The following USH2A variants were observed in gnomAD, a reference collection of about 807,000 sequenced individuals.
The protein encoded by USH2A is usherin.
In USH2A, 443 loss-of-function variants were observed where a neutral mutation model predicts 538.9. The ratio of observed to expected loss-of-function variants is 0.82; its 90% CI spans 0.76 to 0.89. USH2A has a LOEUF of 0.89. Ranked by LOEUF, USH2A falls within the 40% of genes least tolerant of loss-of-function variation. The probability of loss-of-function intolerance (pLI) is 0.00; values close to 1 mark genes in which losing one functional copy is unlikely to be tolerated. For synonymous variants in USH2A, 2,413 were observed against 2,273.5 expected, an observed-to-expected ratio of 1.06 and a Z score of -1.75; for missense variants, 6,633 against 6,324.8, an observed-to-expected ratio of 1.05 and a Z score of -1.65.
At chr1:216,281,060 T>G (rs2036764916) in intron 11 of USH2A, among the ~76,000 whole-genome samples, 1 of 152,228 alleles carries the variant, frequency 6.6e-6, no homozygotes, top group Admixed American at 6.5e-5. Context: ...TTTTGAAATC[T>G]TTTATAACAT....
At chr1:215,781,034 T>C (rs978461819) in intron 54 of USH2A, among the ~76,000 whole-genome samples, 2 of 152,246 alleles carry the variant, frequency 1.3e-5, no homozygotes, top group African/African-American at 4.8e-5. Flanking sequence ...TTCTTTATTT[T>C]ACTCCCACAT....
chr1:215,736,841 T>C (rs567111402), intron 60 of USH2A, among the ~76,000 whole-genome samples: 1 of 152,060 alleles, frequency 6.6e-6, no homozygotes, highest in Admixed American at 6.5e-5. Flanking sequence ...TGACCCTGTA[T>C]TAAAAGATTT....
Position 215,877,849 on chromosome 1 carries a change from G to T in USH2A, c.8590C>A (p.Pro2864Thr), listed in dbSNP as rs1558140481. ...YELLRRKIQQ[P>T]LASNPPEDLN... ...TCTTCTGGGGGATTTGATGCAAGTG[G>T]CTGCTGGATTTTACGTCTCAGAAGC... Residue 2864 changes from proline (P) to threonine (T), a missense_variant, in exon 43 of 72, where the codon CCA becomes ACA. Pro to Thr is a conservative substitution (Grantham distance 38). Coordinates refer to ENST00000307340, the MANE Select transcript of USH2A (RefSeq NM_206933.4). The T allele has an allele frequency of 6.2e-7, 1 of 1,613,756 alleles. No homozygotes were observed. Among genetic ancestry groups the T allele is most frequent in the Non-Finnish European group, 8.5e-7 (1 of 1,179,748 alleles).
At chr1:215,726,967 G>A (rs2797213) in intron 61 of USH2A, among the ~76,000 whole-genome samples, 131,108 of 152,070 alleles carry the variant, frequency 0.86, 57,868 homozygotes, top group Non-Finnish European at 0.98. Flanking sequence ...ATTATAAAAC[G>A]GAACACTCCC....
intron 32 of USH2A, among the ~76,000 whole-genome samples, chr1:216,007,862 C>T (rs1668444839): frequency 6.6e-6 from 1 of 152,210 alleles, no homozygotes; most frequent in South Asian, 2.1e-4. Flanking sequence ...TACTAAGTTG[C>T]ATGGGAGTAA....
chr1:215,880,186 C>T (rs1201159296), intron 41 of USH2A, among the ~76,000 whole-genome samples: 1 of 152,014 alleles, frequency 6.6e-6, no homozygotes, highest in African/African-American at 2.4e-5. Context: ...CCTATGCAAA[C>T]CAAAGAGGAG....
At chr1:216,218,295 T>A (rs1198481562) in intron 14 of USH2A, among the ~76,000 whole-genome samples, 1 of 152,126 alleles carries the variant, frequency 6.6e-6, no homozygotes, top group East Asian at 1.9e-4. Context: ...CATTTTGCCA[T>A]GATAGAAACT....
At chr1:216,090,248 G>A (rs1172295195) in intron 22 of USH2A, among the ~76,000 whole-genome samples, 1 of 151,796 alleles carries the variant, frequency 6.6e-6, no homozygotes, top group Non-Finnish European at 1.5e-5. Flanking sequence ...TAATGGTGCT[G>A]AAGATGTATA....
At chr1:215,901,259 A>T (rs1665492522) in intron 38 of USH2A, 1 of 357,472 alleles carries the variant, frequency 2.8e-6, no homozygotes, top group African/African-American at 2.1e-5. Flanking sequence ...TCAACAGACC[A>T]AACAATTGAA....
At chr1:216,304,602 T>C (rs536888377) in intron 9 of USH2A, among the ~76,000 whole-genome samples, 3 of 152,076 alleles carry the variant, frequency 2.0e-5, no homozygotes, top group Admixed American at 2.0e-4. Context: ...GGTGTGACCT[T>C]AGATTGTCTA....
At chr1:215,870,407 G>T (rs1449134553) in intron 43 of USH2A, among the ~76,000 whole-genome samples, 1 of 149,840 alleles carries the variant, frequency 6.7e-6, no homozygotes, top group Non-Finnish European at 1.5e-5. Flanking sequence ...CCATTCTCCT[G>T]CCTCAGCCTT....
chr1:215,977,990 G>A (rs1667663087), intron 35 of USH2A, among the ~76,000 whole-genome samples: 1 of 152,126 alleles, frequency 6.6e-6, no homozygotes, highest in Admixed American at 6.5e-5. Context: ...AGTTGGGCAT[G>A]ATGACATGTG....
chr1:215,867,139 G>T lies in USH2A; in HGVS notation c.8713C>A (p.His2905Asn), dbSNP rs769380865. ...CTCGGTGTAAAACCCACACTGTTGT[G>T]TACGAAGAGCATATATTCATAGGTT... ...FTTYEYMLFV[H>N]NSVGFTPSRE... The change falls in exon 44 of 72, where the codon CAC becomes AAC. Residue 2905 changes from histidine (H) to asparagine (N), a missense_variant. Transcript: ENST00000307340. 1 of 1,614,074 alleles carries T rather than the reference G, an allele frequency of 6.2e-7. No individual in the cohort carries two copies. Among genetic ancestry groups the T allele is most frequent in the Non-Finnish European group, 8.5e-7 (1 of 1,179,980 alleles).
intron 51 of USH2A, 138 bp downstream of exon 51, chr1:215,789,921 T>G (rs1661932416): frequency 3.9e-6 from 3 of 768,958 alleles, no homozygotes; most frequent in Non-Finnish European, 6.4e-6. Flanking sequence ...ACTCATTCGG[T>G]ATTAATATGG....
At chr1:216,422,563 G>A (rs2039697872) in intron 1 of USH2A, 23 bp from the exon 2 acceptor site, 1 of 556,974 alleles carries the variant, frequency 1.8e-6, no homozygotes, top group Non-Finnish European at 3.1e-6. Flanking sequence ...AACGTAGGGC[G>A]TCAAGGGAAA....
intron 21 of USH2A, among the ~76,000 whole-genome samples, chr1:216,164,965 C>T (rs776139498): frequency 1.5e-4 from 23 of 152,210 alleles, no homozygotes; most frequent in Middle Eastern, 6.8e-3. Flanking sequence ...TGTGCAAAGT[C>T]GCACACCAGC....
chr1:216,053,846 C>T (rs2030880663), intron 30 of USH2A, among the ~76,000 whole-genome samples: 1 of 152,154 alleles, frequency 6.6e-6, no homozygotes, highest in East Asian at 1.9e-4. Context: ...AATTGAAGTC[C>T]TGTGGGCCAC....
chr1:215,648,793 AG>A lies in USH2A; in HGVS notation c.14344-28del, dbSNP rs763723659. ...TGTGGAAGGAAGGAAGGCTAGATAA[AG>A]GCAGTGTCAAACATTAAAGGTGTTT... is the stretch of plus-strand genomic sequence containing the variant. On this transcript the variant is annotated intron_variant, in intron 65 of 71. Coordinates refer to ENST00000307340, the MANE Select transcript of USH2A (RefSeq NM_206933.4). 3.8e-6 allele frequency: 6 copies of A among 1,599,586 alleles called. No homozygotes were observed. In the East Asian group the frequency reaches 1.1e-4, roughly 30 times the overall value.
intron 37 of USH2A, among the ~76,000 whole-genome samples, chr1:215,964,393 C>G (rs1219744576): frequency 6.6e-6 from 1 of 152,194 alleles, no homozygotes; most frequent in Non-Finnish European, 1.5e-5. Context: ...GTGCAGTACA[C>G]AAATAACCAC....
Sources: allele counts gnomAD v4.1 joint callset (sites outside exome capture counted in the v4.1 genomes callset), GRCh38; gene constraint gnomAD v4.1.1; transcripts MANE v1.5; gene names NCBI Gene and HGNC (gene_info 2026-07-23, HGNC 2026-07-21).